CHD8: variants seen among roughly 807,000 people sequenced by gnomAD.
The protein encoded by CHD8 is chromodomain helicase DNA binding protein 8.
In CHD8, 31 loss-of-function variants were observed where a neutral mutation model predicts 279.2. The observed-to-expected ratio is 0.11, with a 90% confidence interval of 0.08 to 0.15. The LOEUF (loss-of-function observed/expected upper bound fraction) is 0.15. Ranked by LOEUF, CHD8 falls within the 10% of genes least tolerant of loss-of-function variation. The probability of loss-of-function intolerance (pLI) is 1.00; values close to 1 mark genes in which losing one functional copy is unlikely to be tolerated. For missense variants in CHD8, 2,146 were observed against 3,230.5 expected (o/e 0.66, Z 8.14); for synonymous variants, 1,081 against 1,139.6 (o/e 0.95, Z 1.04).
Position 21,422,660 on chromosome 14 carries a change from G to A in CHD8, c.1716+3468C>T, listed in dbSNP as rs144655881. On this transcript the variant is annotated intron_variant, in intron 5 of 37. Coordinates refer to ENST00000646647, the MANE Select transcript of CHD8 (RefSeq NM_001170629.2). ...AAAAGAAATGTAGCCAAGTGCAGTGGCTCCTGCCTGTAATCCCAGAACTTT... is the reference window on the plus strand; with the variant it reads ...AAAAGAAATGTAGCCAAGTGCAGTGACTCCTGCCTGTAATCCCAGAACTTT... Among the ~76,000 whole-genome samples the A allele has an allele frequency of 4.9e-3, 744 of 152,332 alleles. 6 individuals carry two copies. The highest frequency in any genetic ancestry group is 0.017 in the African/African-American group (694 of 41,580).
Position 21,431,750 on chromosome 14 carries a change from G to T in CHD8, c.-107C>A, listed in dbSNP as rs1889573321. 15 of 1,612,506 alleles carry T rather than the reference G, an allele frequency of 9.3e-6. No individual in the cohort carries two copies. Among genetic ancestry groups the T allele is most frequent in the Non-Finnish European group, 1.3e-5 (15 of 1,178,738 alleles). On this transcript the variant is annotated 5_prime_UTR_variant, in exon 2 of 38. Coordinates refer to ENST00000646647, the MANE Select transcript of CHD8 (RefSeq NM_001170629.2). ...CTATTAAGAAAAAAATGTACACAAT[G>T]TAAGAGGACTACTCTTCAAGTATAG...
Position 21,437,349 on chromosome 14 carries a change from C to G in CHD8, c.-215-5491G>C, listed in dbSNP as rs192027830. The stretch of plus-strand genomic sequence containing the variant: ...TCACCAAAGGCGAAAAGACGCAAAA[C>G]AGCGCAAAGGGTGGGACTATAAGGA... On this transcript the variant is annotated intron_variant, in intron 1 of 37. Transcript: ENST00000646647. The G allele has an allele frequency of 1.7e-4, 151 of 910,390 alleles. No individual in the cohort carries two copies. In the African/African-American group the frequency reaches 2.5e-3, roughly 15 times the overall value. 56.4% of individuals were successfully genotyped at this position (910,390 alleles called of 1,614,324 possible). A position where few individuals can be genotyped will look rare whatever the true frequency, so the allele number is the denominator to read the frequency against.
intron 25 of CHD8, 132 bp downstream of exon 25, chr14:21,399,849 T>G: frequency 1.0e-6 from 1 of 978,552 alleles, no homozygotes; most frequent in Non-Finnish European, 1.6e-6. Flanking sequence ...TAGTGTCAAG[T>G]ATAAGATTAA....
At position 21,402,595 on chromosome 14, in the gene CHD8, C is replaced by A; in HGVS notation, c.3715-92G>T. ...AAATACCAATTTATGATTCTTTCAC[C>A]TCTATAGAGCAGCCATGAGATCAAC... On this transcript the variant is annotated intron_variant, in intron 18 of 37. Transcript: ENST00000646647. This position sits in a 1 kb window ranked among gnomAD's most constrained non-coding sequence, Gnocchi z 4.5. The A allele has an allele frequency of 3.3e-6, 4 of 1,213,640 alleles. No individual in the cohort carries two copies. The highest frequency in any genetic ancestry group is 1.6e-5 in the South Asian group (1 of 62,210). The allele number at this position is 1,213,640 out of a possible 1,614,324, so 75.2% of individuals were successfully genotyped here.
intron 1 of CHD8, among the ~76,000 whole-genome samples, chr14:21,454,323 A>G (rs539629259): frequency 1.3e-5 from 2 of 152,112 alleles, no homozygotes; most frequent in Admixed American, 6.5e-5. Context: ...CCTTATCCCA[A>G]TCCATTACTC....
intron 1 of CHD8, among the ~76,000 whole-genome samples, chr14:21,452,723 C>T (rs901607395): frequency 6.6e-6 from 1 of 151,718 alleles, no homozygotes; most frequent in Non-Finnish European, 1.5e-5. Context: ...CAGTGGCTGA[C>T]GCCTGTAATC....
chr14:21,398,602 T>C (rs147223997), intron 26 of CHD8: 556 of 152,272 alleles, frequency 3.7e-3, no homozygotes, highest in Non-Finnish European at 5.7e-3. Flanking sequence ...TTTTATTTTA[T>C]AGAAAAAAAA....
intron 37 of CHD8, among the ~76,000 whole-genome samples, 189 bp downstream of exon 37, chr14:21,390,758 G>A (rs1165204084): frequency 1.8e-5 from 2 of 113,560 alleles, no homozygotes; most frequent in Admixed American, 1.9e-4. Flanking sequence ...AGCAGAGTGA[G>A]ACTCCGTCTC....
In CHD8 at chr14:21,405,903, A is replaced by T; in HGVS notation, c.2908-39T>A. The T allele has an allele frequency of 1.3e-6, 2 of 1,568,180 alleles. No individual in the cohort carries two copies. Among genetic ancestry groups the T allele is most frequent in the Non-Finnish European group, 1.7e-6 (2 of 1,151,282 alleles). On this transcript the variant is annotated intron_variant, in intron 14 of 37. Coordinates refer to ENST00000646647, the MANE Select transcript of CHD8 (RefSeq NM_001170629.2). The surrounding 1 kb of genome is among the most constrained non-coding windows in gnomAD (Gnocchi z 4.2). ...AAACAAAAGAATAAAATTTAAAAAC[A>T]TGAAGGACTTCTGGGGTTTCCTATC...
At chr14:21,428,287 G>C in intron 3 of CHD8, 33 bp from the exon 4 acceptor site, 1 of 1,597,842 alleles carries the variant, frequency 6.3e-7, no homozygotes, top group Non-Finnish European at 8.5e-7. Context: ...ATTTCAACTT[G>C]CTTGTAGTTA....
chr14:21,441,821 G>A (rs561855827), intron 1 of CHD8, among the ~76,000 whole-genome samples: 10 of 152,234 alleles, frequency 6.6e-5, no homozygotes, highest in East Asian at 5.8e-4. Flanking sequence ...CCCGGGAGGC[G>A]GAGCTTGCAG....
chr14:21,401,546 CTTTT>C, intron 20 of CHD8, 33 bp from the exon 21 acceptor site: 1 of 874,328 alleles, frequency 1.1e-6, no homozygotes, highest in Non-Finnish European at 1.7e-6. Flanking sequence ...GTAAAGCTGA[CTTTT>C]TTTTTTAAGT....
intron 1 of CHD8, among the ~76,000 whole-genome samples, chr14:21,438,526 A>AAAG (rs1555319591): frequency 2.0e-5 from 3 of 150,356 alleles, no homozygotes; most frequent in Non-Finnish European, 4.4e-5. Flanking sequence ...AAAAAAAAAA[A>AAAG]AAAAAGAAAG....
Position 21,403,402 on chromosome 14 carries a change from G to T in CHD8, c.3518+51C>A. The T allele has an allele frequency of 4.2e-6, 6 of 1,442,104 alleles. No individual in the cohort carries two copies. The highest frequency in any genetic ancestry group is 4.0e-5 in the Admixed American group (2 of 50,152). The allele number at this position is 1,442,104 out of a possible 1,614,324, so 89.3% of individuals were successfully genotyped here. On this transcript the variant is annotated intron_variant, in intron 17 of 37. Coordinates refer to ENST00000646647, the MANE Select transcript of CHD8 (RefSeq NM_001170629.2). The surrounding 1 kb of genome is among the most constrained non-coding windows in gnomAD (Gnocchi z 4.3). ...TTAAATCCAGGCCCTCCTACTTTTT[G>T]CTGCTTTATGAGGACAGAGTAACCA...
intron 1 of CHD8, among the ~76,000 whole-genome samples, chr14:21,440,856 G>T (rs1323462655): frequency 6.6e-6 from 1 of 152,134 alleles, no homozygotes; most frequent in Non-Finnish European, 1.5e-5. Flanking sequence ...GGCTCTAGGG[G>T]GTGAGAGGAC....
Position 21,415,233 on chromosome 14 carries a change from A to G in CHD8, c.1969-240T>C, listed in dbSNP as rs1040328927. 6.2e-5 allele frequency: 30 copies of G among 480,712 alleles called. No homozygotes were observed. In the Middle Eastern group the frequency reaches 2.2e-3, roughly 36 times the overall value. 29.8% of individuals were successfully genotyped at this position (480,712 alleles called of 1,614,324 possible). A position where few individuals can be genotyped will look rare whatever the true frequency, so the allele number is the denominator to read the frequency against. On this transcript the variant is annotated intron_variant, in intron 7 of 37. Coordinates refer to ENST00000646647, the MANE Select transcript of CHD8 (RefSeq NM_001170629.2). ...ACCAGTAAAGCAGTTCCTGTTTTCT[A>G]GCTAACTTTCCTCCATCATCTCTCA...
rs780574349 is a variant in CHD8 at position 21,391,453 on chromosome 14, T to C, written c.7065+10A>G. On this transcript the variant is annotated intron_variant, in intron 36 of 37. Transcript: ENST00000646647. ...GACTTTAAATCTTGCTGGATGGGAC[T>C]GCCACTCACCGCTAGAAATCGGGGA... 11 of 1,612,842 alleles carry C rather than the reference T, an allele frequency of 6.8e-6. No individual in the cohort carries two copies. The highest frequency in any genetic ancestry group is 1.7e-5 in the Admixed American group (1 of 59,876).
At chr14:21,435,756 AT>A (rs1450857308) in intron 1 of CHD8, among the ~76,000 whole-genome samples, 2 of 152,172 alleles carry the variant, frequency 1.3e-5, no homozygotes, top group African/African-American at 4.8e-5. Context: ...ACTACATCTC[AT>A]TGTTTAGGCT....
intron 5 of CHD8, 49 bp downstream of exon 5, chr14:21,426,079 C>A (rs1360597872): frequency 1.8e-6 from 2 of 1,096,832 alleles, no homozygotes; most frequent in Non-Finnish European, 1.4e-6. Flanking sequence ...CTTGGTTAGC[C>A]ATAATTAAAC....
Sources: allele counts gnomAD v4.1 joint callset (sites outside exome capture counted in the v4.1 genomes callset), GRCh38; gene constraint gnomAD v4.1.1; non-coding constraint Gnocchi (gnomAD v3.1); transcripts MANE v1.5; gene names NCBI Gene and HGNC (gene_info 2026-07-23, HGNC 2026-07-21).